DPP6: variants seen among roughly 807,000 people sequenced by gnomAD.
DPP6 encodes the protein dipeptidyl peptidase like 6.
DPP6 carries 69 observed loss-of-function variants against 122.6 expected under a neutral mutation model. That is an observed-to-expected ratio of 0.56 (90% CI 0.46 to 0.69). The LOEUF (loss-of-function observed/expected upper bound fraction) is 0.69. Ranked by LOEUF, DPP6 falls within the 30% of genes least tolerant of loss-of-function variation. The probability of loss-of-function intolerance (pLI) is 0.00; values close to 1 mark genes in which losing one functional copy is unlikely to be tolerated. For synonymous variants in DPP6, 418 were observed against 433.1 expected, an observed-to-expected ratio of 0.97 and a Z score of 0.43; for missense variants, 928 against 1,116.9, an observed-to-expected ratio of 0.83 and a Z score of 2.41.
chr7:153,867,334 G>A, the DPP6 span, among the ~76,000 whole-genome samples: 1 of 152,100 alleles, frequency 6.6e-6, no homozygotes, highest in Non-Finnish European at 1.5e-5. Context: ...ATTGAGTAGT[G>A]GTTTGTAGTT....
At chr7:154,256,716 G>A (rs976479465) in intron 1 of DPP6, among the ~76,000 whole-genome samples, 5 of 152,178 alleles carry the variant, frequency 3.3e-5, no homozygotes, top group Admixed American at 6.5e-5. Flanking sequence ...CGTCATTGTG[G>A]AAAGGAGAGA....
chr7:154,782,387 T>C (rs1797080863), intron 10 of DPP6, among the ~76,000 whole-genome samples: 1 of 152,260 alleles, frequency 6.6e-6, no homozygotes, highest in African/African-American at 2.4e-5. Context: ...TCTTGGCAGA[T>C]AGATTATTGC....
chr7:154,294,338 C>T (rs568528254), intron 1 of DPP6, among the ~76,000 whole-genome samples: 2 of 152,238 alleles, frequency 1.3e-5, no homozygotes, highest in East Asian at 3.9e-4. Flanking sequence ...CTAATGCCTT[C>T]TAGGGGAAGA....
chr7:153,925,221 G>T (rs2190997), intron 1 of DPP6, among the ~76,000 whole-genome samples: 89,106 of 151,932 alleles, frequency 0.59, 26,938 homozygotes, highest in African/African-American at 0.73. Context: ...CATAGTAGAA[G>T]GTCCCCAAGA....
chr7:154,078,351 T>TACACAC (rs3052965), intron 1 of DPP6, among the ~76,000 whole-genome samples: 105 of 149,520 alleles, frequency 7.0e-4, no homozygotes, highest in Admixed American at 1.3e-3. Context: ...AGTGCATATG[T>TACACAC]ACACACACAC....
chr7:154,569,147 A>G (rs1367360694), intron 5 of DPP6, among the ~76,000 whole-genome samples: 2 of 151,690 alleles, frequency 1.3e-5, no homozygotes, highest in Non-Finnish European at 2.9e-5. Context: ...GGAGTTAGAT[A>G]TTAGGAAGAT....
the DPP6 span, among the ~76,000 whole-genome samples, chr7:153,769,689 C>G: frequency 6.6e-6 from 1 of 152,198 alleles, no homozygotes; most frequent in South Asian, 2.1e-4. Context: ...AGGGTTACAC[C>G]CAACTTTAAA....
At chr7:154,193,766 A>T (rs1024681441) in intron 1 of DPP6, among the ~76,000 whole-genome samples, 1 of 151,988 alleles carries the variant, frequency 6.6e-6, no homozygotes, top group African/African-American at 2.4e-5. Flanking sequence ...CTTTAGTAGC[A>T]TTATCAAGTT....
chr7:154,796,675 C>G (rs1798067438), intron 12 of DPP6, among the ~76,000 whole-genome samples: 2 of 152,162 alleles, frequency 1.3e-5, no homozygotes, highest in East Asian at 3.8e-4. Flanking sequence ...ATGGTAGAGA[C>G]ACAGGTATGC....
intron 1 of DPP6, among the ~76,000 whole-genome samples, chr7:154,336,534 G>C (rs958654865): frequency 6.6e-6 from 1 of 152,174 alleles, no homozygotes; most frequent in Non-Finnish European, 1.5e-5. Context: ...GGGCTTCCTG[G>C]TATCACAGGA....
chr7:154,314,487 G>C (rs1274960100), intron 1 of DPP6, among the ~76,000 whole-genome samples: 1 of 152,110 alleles, frequency 6.6e-6, no homozygotes, highest in Non-Finnish European at 1.5e-5. Context: ...GTGATTTTTG[G>C]ACTTTTGTTT....
chr7:154,723,197 C>G (rs1307625538), intron 7 of DPP6, among the ~76,000 whole-genome samples: 1 of 152,140 alleles, frequency 6.6e-6, no homozygotes, highest in African/African-American at 2.4e-5. Flanking sequence ...AACAGGTTTA[C>G]AGTGAGCTGA....
At chr7:154,397,632 T>TACTTCATGCTGTTAAC (rs1367945459) in intron 1 of DPP6, among the ~76,000 whole-genome samples, 8 of 152,190 alleles carry the variant, frequency 5.3e-5, no homozygotes, top group Non-Finnish European at 1.0e-4. Context: ...ATGCTGTTAA[T>TACTTCATGCTGTTAAC]ACTTCATGCT....
chr7:154,617,593 T>C (rs1834346394), intron 5 of DPP6, among the ~76,000 whole-genome samples: 1 of 152,148 alleles, frequency 6.6e-6, no homozygotes, highest in African/African-American at 2.4e-5. Flanking sequence ...CCCACCACCA[T>C]CCCTGCCCGT....
intron 5 of DPP6, chr7:154,588,039 G>A (rs1301715800): frequency 6.2e-7 from 1 of 1,611,156 alleles, no homozygotes; most frequent in Non-Finnish European, 8.5e-7. Flanking sequence ...CGGGGATAAT[G>A]CACAGCAGCT....
chr7:153,975,314 AGATC>A (rs1435452471), intron 1 of DPP6, among the ~76,000 whole-genome samples: 3 of 151,752 alleles, frequency 2.0e-5, no homozygotes, highest in Non-Finnish European at 1.5e-5. Context: ...CCCTGGGGAT[AGATC>A]GTTAGAAACA....
the DPP6 span, among the ~76,000 whole-genome samples, chr7:153,773,264 C>CATGT: frequency 0.031 from 4,045 of 132,424 alleles, 89 homozygotes; most frequent in African/African-American, 0.038. Flanking sequence ...TCTTTTCTTT[C>CATGT]GTGTGTGTGT....
At chr7:154,583,722 A>T (rs1043961611) in intron 5 of DPP6, among the ~76,000 whole-genome samples, 1 of 152,014 alleles carries the variant, frequency 6.6e-6, no homozygotes, top group African/African-American at 2.4e-5. Context: ...AGACACATGA[A>T]CCTCAACAAC....
intron 1 of DPP6, among the ~76,000 whole-genome samples, chr7:154,007,905 G>A (rs2907712): frequency 0.016 from 2,339 of 148,678 alleles, 66 homozygotes; most frequent in African/African-American, 0.05. Flanking sequence ...TGGCATTGAC[G>A]TTCATCACTT....
Sources: allele counts gnomAD v4.1 joint callset (sites outside exome capture counted in the v4.1 genomes callset), GRCh38; gene constraint gnomAD v4.1.1; transcripts MANE v1.5; gene names NCBI Gene and HGNC (gene_info 2026-07-23, HGNC 2026-07-21).